The following FBH1 variants were observed in gnomAD, a reference collection of about 807,000 sequenced individuals.
FBH1 encodes the protein F-box DNA helicase 1.
Under a neutral mutation model 115.5 loss-of-function variants are expected in FBH1, and 43 were observed. That is an observed-to-expected ratio of 0.37 (90% CI 0.29 to 0.48). FBH1 has a LOEUF of 0.48. Ranked by LOEUF, FBH1 falls within the 20% of genes least tolerant of loss-of-function variation. The probability of loss-of-function intolerance (pLI) is 0.99; values close to 1 mark genes in which losing one functional copy is unlikely to be tolerated. For synonymous variants in FBH1, 524 were observed against 507.8 expected, an observed-to-expected ratio of 1.03 and a Z score of -0.43; for missense variants, 1,001 against 1,337.3, an observed-to-expected ratio of 0.75 and a Z score of 3.92.
intron 2 of FBH1, among the ~76,000 whole-genome samples, chr10:5,904,235 G>C (rs906850052): frequency 6.6e-6 from 1 of 151,954 alleles, no homozygotes; most frequent in African/African-American, 2.4e-5. Context: ...GTTTTGCTAC[G>C]TTGCCCAGGC....
At position 5,890,261 on chromosome 10, in the gene FBH1, G is replaced by T. The variant is rs1323914134; in HGVS notation, c.-85G>T. 2 of 366,768 alleles carry T rather than the reference G, an allele frequency of 5.5e-6. No individual in the cohort carries two copies. Among genetic ancestry groups the T allele is most frequent in the African/African-American group, 2.1e-5 (1 of 46,532 alleles). The allele number at this position is 366,768 out of a possible 1,614,324, so 22.7% of individuals were successfully genotyped here. ...GCTCCAGGTCCCGGCCAGAGGAGGA[G>T]CTCGCTGCCGGGGGACGCTGGGCTG... On this transcript the variant is annotated 5_prime_UTR_variant, in exon 1 of 21. Coordinates refer to ENST00000362091, the MANE Select transcript of FBH1 (RefSeq NM_178150.3).
chr10:5,890,511 G>T (rs1188583794), intron 1 of FBH1, among the ~76,000 whole-genome samples, 165 bp downstream of exon 1: 1 of 150,946 alleles, frequency 6.6e-6, no homozygotes, highest in Non-Finnish European at 1.5e-5. Flanking sequence ...GGGCTCGGCC[G>T]TCCGGGCCGT....
chr10:5,906,565 T>C lies in FBH1; in HGVS notation c.686T>C (p.Val229Ala), dbSNP rs1372485144. Residue 229 changes from valine to alanine, a missense_variant, in exon 3 of 21, where the codon GTG becomes GCG. Val to Ala is a moderately conservative substitution (Grantham distance 64, BLOSUM62 0). This residue lies in a region of FBH1 where 420 missense variants were observed against 430.4 expected (regional missense o/e 0.98). Transcript: ENST00000362091. The surrounding 1 kb of genome is among the most constrained non-coding windows in gnomAD (Gnocchi z 7.3). The part of the protein sequence containing the change: ...VLRHVFAFLP[V>A]EDLYWNLSLV... ...AGGCACGTGTTTGCCTTCCTCCCGG[T>C]GGAAGACCTCTATTGGAACCTGAGC... is the stretch of plus-strand genomic sequence containing the variant. 2.5e-6 allele frequency: 4 copies of C among 1,613,908 alleles called. No homozygotes were observed. The highest frequency in any genetic ancestry group is 3.4e-6 in the Non-Finnish European group (4 of 1,180,014).
Position 5,924,104 on chromosome 10 carries a change from C to G in FBH1, c.2399-207C>G. 1 of 597,446 alleles carries G rather than the reference C, an allele frequency of 1.7e-6. No homozygotes were observed. The highest frequency in any genetic ancestry group is 2.1e-5 in the South Asian group (1 of 48,316). 37.0% of individuals were successfully genotyped at this position (597,446 alleles called of 1,614,324 possible). ...TGAGGATCTTGAGCCGAGGGCTTTG[C>G]TCCTCAGTCGGAGACGGAGAGGCTA... On this transcript the variant is annotated intron_variant, in intron 16 of 20. Coordinates refer to ENST00000362091, the MANE Select transcript of FBH1 (RefSeq NM_178150.3). The surrounding 1 kb of genome is among the most constrained non-coding windows in gnomAD (Gnocchi z 6.2).
At chr10:5,922,087 C>T (rs1018682422) in intron 15 of FBH1, among the ~76,000 whole-genome samples, 4 of 152,266 alleles carry the variant, frequency 2.6e-5, no homozygotes, top group African/African-American at 9.6e-5. Context: ...GCATTTTTAA[C>T]CCTGAAGCAC....
In FBH1 at chr10:5,900,691, C is replaced by G. The variant is rs1843295373; in HGVS notation, c.2-2329C>G. On this transcript the variant is annotated intron_variant, in intron 1 of 20. Coordinates refer to ENST00000362091, the MANE Select transcript of FBH1 (RefSeq NM_178150.3). The surrounding 1 kb of genome is among the most constrained non-coding windows in gnomAD (Gnocchi z 4.2). ...TGGTATTAAACCTTGAAAAAGTTAA[C>G]TGAAATTTGGAAGGGTGATTTCTGA... Among the ~76,000 whole-genome samples the G allele has an allele frequency of 6.6e-6, 1 of 151,990 alleles. No individual in the cohort carries two copies. The highest frequency in any genetic ancestry group is 2.1e-4 in the South Asian group (1 of 4,824).
In FBH1 at chr10:5,895,822, C is replaced by T. The variant is rs967619555; in HGVS notation, c.1+5476C>T. On this transcript the variant is annotated intron_variant, in intron 1 of 20. Transcript: ENST00000362091. This position sits in a 1 kb window ranked among gnomAD's most constrained non-coding sequence, Gnocchi z 5.0. ...GAGTGGAGGGCAGGTCTGGAAGAGG[C>T]GTGTGCTGCTGCTGTTCCCATTGCA... Among the ~76,000 whole-genome samples, 1 of 152,114 alleles carries T rather than the reference C, an allele frequency of 6.6e-6. No homozygotes were observed. Among genetic ancestry groups the T allele is most frequent in the Non-Finnish European group, 1.5e-5 (1 of 68,020 alleles).
chr10:5,929,415 C>T (rs1832844624), intron 19 of FBH1: 1 of 152,188 alleles, frequency 6.6e-6, no homozygotes, highest in Non-Finnish European at 1.5e-5. Context: ...GGAATGTTTC[C>T]AGAATTTGAA....
chr10:5,921,386 G>C lies in FBH1; in HGVS notation c.2200+29G>C. Reference sequence around the variant, plus strand: ...AGGCTTTTAGTTACTCTTCTCTTTTGTGTTACAAAAGTTTTCCTCTTTATT... The same window carrying C: ...AGGCTTTTAGTTACTCTTCTCTTTTCTGTTACAAAAGTTTTCCTCTTTATT... On this transcript the variant is annotated intron_variant, in intron 14 of 20. Transcript: ENST00000362091. This position sits in a 1 kb window ranked among gnomAD's most constrained non-coding sequence, Gnocchi z 6.4. The C allele has an allele frequency of 6.2e-7, 1 of 1,611,522 alleles. No individual in the cohort carries two copies. The highest frequency in any genetic ancestry group is 8.5e-7 in the Non-Finnish European group (1 of 1,179,428).
chr10:5,906,208 G>A lies in FBH1; in HGVS notation c.329G>A (p.Gly110Glu). ...SCALPQEGSAGPGSPGSAPPS... is the reference protein window; with the variant it reads ...SCALPQEGSAEPGSPGSAPPS... ...GCACTGCCTCAGGAAGGCAGTGCAG[G>A]GCCGGGCTCACCAGGGTCTGCCCCG... Residue 110 changes from glycine to glutamate, a missense_variant, in exon 3 of 21, where the codon GGG becomes GAG. By Grantham distance (98) the Gly-to-Glu change is moderately conservative. Coordinates refer to ENST00000362091, the MANE Select transcript of FBH1 (RefSeq NM_178150.3). The surrounding 1 kb of genome is among the most constrained non-coding windows in gnomAD (Gnocchi z 7.3). 6.2e-7 allele frequency: 1 copy of A among 1,614,210 alleles called. No homozygotes were observed. Among genetic ancestry groups the A allele is most frequent in the Admixed American group, 1.7e-5 (1 of 60,034 alleles).
chr10:5,911,234 G>A lies in FBH1; in HGVS notation c.1211+106G>A, dbSNP rs1589077155. 1.8e-6 allele frequency: 2 copies of A among 1,135,512 alleles called. No individual in the cohort carries two copies. The highest frequency in any genetic ancestry group is 1.2e-6 in the Non-Finnish European group (1 of 801,954). 70.3% of individuals were successfully genotyped at this position (1,135,512 alleles called of 1,614,324 possible). A position where few individuals can be genotyped will look rare whatever the true frequency, so the allele number is the denominator to read the frequency against. ...TAGCAGTGTTAGCACCTGGCAGGCT[G>A]TGGGACCCACCTGCTCCACCTCAGT... On this transcript the variant is annotated intron_variant, in intron 6 of 20. Coordinates refer to ENST00000362091, the MANE Select transcript of FBH1 (RefSeq NM_178150.3). This position sits in a 1 kb window ranked among gnomAD's most constrained non-coding sequence, Gnocchi z 5.4.
intron 18 of FBH1, among the ~76,000 whole-genome samples, chr10:5,926,792 G>A (rs1031928467): frequency 3.3e-5 from 5 of 152,236 alleles, no homozygotes; most frequent in South Asian, 2.1e-4. Flanking sequence ...CATCCAAAGT[G>A]TACAATTCAG....
At position 5,895,059 on chromosome 10, in the gene FBH1, G is replaced by A. The variant is rs951730771; in HGVS notation, c.1+4713G>A. Reference sequence around the variant, plus strand: ...TTGGGCCATTCCCGTTTCACAGGCTGCCATTGGACCTGTCAAGTGCCTGAG... The same window carrying A: ...TTGGGCCATTCCCGTTTCACAGGCTACCATTGGACCTGTCAAGTGCCTGAG... On this transcript the variant is annotated intron_variant, in intron 1 of 20. Coordinates refer to ENST00000362091, the MANE Select transcript of FBH1 (RefSeq NM_178150.3). The surrounding 1 kb of genome is among the most constrained non-coding windows in gnomAD (Gnocchi z 5.0). 3 of 1,610,158 alleles carry A rather than the reference G, an allele frequency of 1.9e-6. No individual in the cohort carries two copies. In the African/African-American group the frequency reaches 4.0e-5, roughly 22 times the overall value.
rs1316990863 is a variant in FBH1 at position 5,936,578 on chromosome 10, C to T, written c.2952C>T (p.Pro984=). ...CCGTCCTTACCATGAAGAAGCTGCC[C>T]ATCACCTATGTACGTCTGCTGTCTG... ...VDTVLTMKKL[P]ITYSNRKENK... The change falls in exon 20 of 21, where the codon CCC becomes CCT. Residue 984 remains proline, a synonymous_variant. Coordinates refer to ENST00000362091, the MANE Select transcript of FBH1 (RefSeq NM_178150.3). This position sits in a 1 kb window ranked among gnomAD's most constrained non-coding sequence, Gnocchi z 5.6. 25 of 1,614,082 alleles carry T rather than the reference C, an allele frequency of 1.5e-5. No individual in the cohort carries two copies. The highest frequency in any genetic ancestry group is 2.0e-5 in the Non-Finnish European group (24 of 1,179,952).
rs1402784416 is a variant in FBH1, at chr10:5,895,640, G to A, written c.1+5294G>A. Among the ~76,000 whole-genome samples the A allele has an allele frequency of 6.6e-6, 1 of 152,200 alleles. No individual in the cohort carries two copies. Among genetic ancestry groups the A allele is most frequent in the African/African-American group, 2.4e-5 (1 of 41,448 alleles). ...CAATCTAAGGAGGCTACAGGTCATG[G>A]TGGTGGTTGGAGTTTGTGTGTGTAG... On this transcript the variant is annotated intron_variant, in intron 1 of 20. Coordinates refer to ENST00000362091, the MANE Select transcript of FBH1 (RefSeq NM_178150.3). This position sits in a 1 kb window ranked among gnomAD's most constrained non-coding sequence, Gnocchi z 5.0.
In FBH1 at chr10:5,895,307, C is replaced by T; in HGVS notation, c.1+4961C>T. ...GGGTATGGTATTGTAGCAGTTTCTC[C>T]AGTCAGGTACCTTGTACTAGCGAGT... On this transcript the variant is annotated intron_variant, in intron 1 of 20. Transcript: ENST00000362091. The surrounding 1 kb of genome is among the most constrained non-coding windows in gnomAD (Gnocchi z 5.0). 1.9e-6 allele frequency: 2 copies of T among 1,057,154 alleles called. No homozygotes were observed. Among genetic ancestry groups the T allele is most frequent in the South Asian group, 2.1e-5 (1 of 48,032 alleles). The allele number at this position is 1,057,154 out of a possible 1,614,324, so 65.5% of individuals were successfully genotyped here.
rs2131984328 is a variant in FBH1, at chr10:5,913,411, T to C, written c.1212-336T>C. Reference sequence around the variant, plus strand: ...ACAAGAGTCTCAGTGCTAGGAGCAGTGTTTCCCTTTGCCTTCCACTGGTCC... The same window carrying C: ...ACAAGAGTCTCAGTGCTAGGAGCAGCGTTTCCCTTTGCCTTCCACTGGTCC... On this transcript the variant is annotated intron_variant, in intron 6 of 20. Coordinates refer to ENST00000362091, the MANE Select transcript of FBH1 (RefSeq NM_178150.3). This position sits in a 1 kb window ranked among gnomAD's most constrained non-coding sequence, Gnocchi z 4.4. Among the ~76,000 whole-genome samples the C allele has an allele frequency of 6.6e-6, 1 of 152,296 alleles. No individual in the cohort carries two copies. The highest frequency in any genetic ancestry group is 2.1e-4 in the South Asian group (1 of 4,828).
intron 1 of FBH1, among the ~76,000 whole-genome samples, chr10:5,898,609 C>T (rs1843147966): frequency 6.6e-6 from 1 of 152,150 alleles, no homozygotes; most frequent in African/African-American, 2.4e-5. Flanking sequence ...TGGGGTTTCA[C>T]TATGTTGCCA....
chr10:5,925,619 T>C lies in FBH1; in HGVS notation c.2722+127T>C. The C allele has an allele frequency of 1.5e-6, 2 of 1,378,588 alleles. No homozygotes were observed. The highest frequency in any genetic ancestry group is 1.4e-5 in the African/African-American group (1 of 69,086). 85.4% of individuals were successfully genotyped at this position (1,378,588 alleles called of 1,614,324 possible). On this transcript the variant is annotated intron_variant, in intron 18 of 20. Transcript: ENST00000362091. This position sits in a 1 kb window ranked among gnomAD's most constrained non-coding sequence, Gnocchi z 4.6. ...CCTGGTAGGGCACTTCTGGAAAAAC[T>C]AAACCACAAAACACCTCCTAGTCCT...
Sources: gnomAD v4.1 joint callset for allele counts (sites outside exome capture counted in the v4.1 genomes callset) on GRCh38, gnomAD v4.1.1 for gene constraint, gnomAD v4.1.1 regional missense constraint, Gnocchi (gnomAD v3.1) non-coding constraint, MANE v1.5 for transcripts, NCBI Gene and HGNC (gene_info 2026-07-23, HGNC 2026-07-21) for gene names.